The following ARHGAP32 variants were observed in gnomAD, a reference collection of about 807,000 sequenced individuals.
ARHGAP32 encodes the protein Rho GTPase activating protein 32.
A neutral mutation model predicts 186.5 loss-of-function variants in ARHGAP32; 51 were observed. The observed-to-expected ratio is 0.27, with a 90% confidence interval of 0.22 to 0.35. ARHGAP32 has a LOEUF of 0.35. Among genes scored for constraint, ARHGAP32 ranks in the 10% least tolerant of loss-of-function variants. The probability of loss-of-function intolerance (pLI) is 1.00; values close to 1 mark genes in which losing one functional copy is unlikely to be tolerated. For synonymous variants in ARHGAP32, 950 were observed against 964.3 expected, an observed-to-expected ratio of 0.99 and a Z score of 0.27; for missense variants, 2,186 against 2,623.5, an observed-to-expected ratio of 0.83 and a Z score of 3.64.
chr11:129,160,973 C>T (rs1436306569), intron 2 of ARHGAP32, among the ~76,000 whole-genome samples: 2 of 152,118 alleles, frequency 1.3e-5, no homozygotes, highest in African/African-American at 4.8e-5. Flanking sequence ...ACCAATGGTA[C>T]AGAACAGAAG....
intron 12 of ARHGAP32, among the ~76,000 whole-genome samples, chr11:128,997,264 G>C (rs1443246068): frequency 6.6e-6 from 1 of 151,896 alleles, no homozygotes; most frequent in Non-Finnish European, 1.5e-5. Flanking sequence ...CATTAAGTTG[G>C]TATTAATTTG....
intron 1 of ARHGAP32, among the ~76,000 whole-genome samples, chr11:129,202,412 A>T (rs1944465816): frequency 6.6e-6 from 1 of 152,156 alleles, no homozygotes; most frequent in Non-Finnish European, 1.5e-5. Flanking sequence ...TGAAAAATCT[A>T]GGTCCCAGGA....
At chr11:129,146,572 T>C (rs1943171072) in intron 2 of ARHGAP32, among the ~76,000 whole-genome samples, 4 of 152,142 alleles carry the variant, frequency 2.6e-5, no homozygotes, top group African/African-American at 9.6e-5. Context: ...ATATTTTACT[T>C]TTAGTAATTC....
At chr11:129,178,375 A>T (rs1286679480) in intron 1 of ARHGAP32, among the ~76,000 whole-genome samples, 1 of 151,316 alleles carries the variant, frequency 6.6e-6, no homozygotes, top group Non-Finnish European at 1.5e-5. Context: ...GCCCAAGGTA[A>T]TTTATAGATT....
upstream of ARHGAP32, among the ~76,000 whole-genome samples, chr11:129,193,549 AAT>A (rs751699323): frequency 0.12 from 6,191 of 49,752 alleles, 577 homozygotes; most frequent in Non-Finnish European, 0.15. Context: ...TATTATATAT[AAT>A]ATATATATAT....
chr11:129,035,672 C>T (rs1939300647), intron 11 of ARHGAP32, among the ~76,000 whole-genome samples: 1 of 151,806 alleles, frequency 6.6e-6, no homozygotes, highest in Non-Finnish European at 1.5e-5. Context: ...CATGAAACCT[C>T]ACCTCTACTA....
chr11:129,066,899 T>C, intron 6 of ARHGAP32, 31 bp from the exon 7 acceptor site: 1 of 1,541,298 alleles, frequency 6.5e-7, no homozygotes, highest in Non-Finnish European at 8.9e-7. Context: ...CTCATATAAT[T>C]CACCTCTATT....
intron 1 of ARHGAP32, among the ~76,000 whole-genome samples, chr11:129,278,959 C>G (rs976963997): frequency 2.9e-4 from 43 of 147,460 alleles, no homozygotes; most frequent in African/African-American, 1.0e-3. Context: ...CGCCGTCCGC[C>G]CCGGGAGGCC....
At chr11:129,167,928 C>T (rs964686661) in intron 1 of ARHGAP32, among the ~76,000 whole-genome samples, 1 of 152,130 alleles carries the variant, frequency 6.6e-6, no homozygotes, top group African/African-American at 2.4e-5. Context: ...TATTAAAATA[C>T]AAAGACTATA....
At chr11:129,227,043 C>G (rs760079808) in intron 1 of ARHGAP32, among the ~76,000 whole-genome samples, 12 of 151,740 alleles carry the variant, frequency 7.9e-5, no homozygotes, top group Non-Finnish European at 1.8e-4. Flanking sequence ...GACTGTTGCA[C>G]AGAGCAAATC....
intron 1 of ARHGAP32, among the ~76,000 whole-genome samples, chr11:129,249,117 A>G (rs940629761): frequency 1.3e-5 from 2 of 152,206 alleles, no homozygotes; most frequent in Non-Finnish European, 2.9e-5. Context: ...TCTTTCTAGA[A>G]TTCATTAAGA....
chr11:128,982,474 C>CCTGT (rs71472083), intron 15 of ARHGAP32, among the ~76,000 whole-genome samples: 29 of 147,362 alleles, frequency 2.0e-4, no homozygotes, highest in Non-Finnish European at 3.9e-4. Context: ...AGGTAAGTGC[C>CCTGT]GTGTGTGTGT....
chr11:129,102,455 C>G (rs1941928359), intron 5 of ARHGAP32, among the ~76,000 whole-genome samples: 1 of 152,122 alleles, frequency 6.6e-6, no homozygotes, highest in South Asian at 2.1e-4. Context: ...TTCAAGACAC[C>G]TATGTCACAT....
At chr11:129,014,534 C>G (rs1001935399) in intron 11 of ARHGAP32, among the ~76,000 whole-genome samples, 2 of 152,100 alleles carry the variant, frequency 1.3e-5, no homozygotes, top group East Asian at 1.9e-4. Context: ...AATGGTCTGT[C>G]CCAAGATAAT....
chr11:128,975,297 C>T (rs549269616), intron 20 of ARHGAP32, among the ~76,000 whole-genome samples: 6 of 152,276 alleles, frequency 3.9e-5, no homozygotes, highest in Admixed American at 1.3e-4. Context: ...TAATCCAACA[C>T]TGATTCTTGG....
intron 1 of ARHGAP32, among the ~76,000 whole-genome samples, chr11:129,270,274 C>G (rs1390603754): frequency 6.6e-6 from 1 of 152,174 alleles, no homozygotes; most frequent in East Asian, 1.9e-4. Context: ...GAAGAGGCTA[C>G]ATACTCTATG....
chr11:129,232,997 A>G (rs913184437), intron 1 of ARHGAP32, among the ~76,000 whole-genome samples: 1 of 152,152 alleles, frequency 6.6e-6, no homozygotes. Context: ...TTAAACATAT[A>G]TATTTGTCAA....
At chr11:129,231,560 G>A (rs1281855010) in intron 1 of ARHGAP32, among the ~76,000 whole-genome samples, 5 of 152,122 alleles carry the variant, frequency 3.3e-5, no homozygotes, top group South Asian at 2.1e-4. Flanking sequence ...CTAGCTCTCC[G>A]ACATCTTACA....
chr11:129,075,660 T>C (rs1941014856), intron 6 of ARHGAP32, among the ~76,000 whole-genome samples: 1 of 152,166 alleles, frequency 6.6e-6, no homozygotes, highest in Admixed American at 6.5e-5. Context: ...CTGGATATAA[T>C]TGATATTGAT....
Sources: gnomAD v4.1 joint callset for allele counts (sites outside exome capture counted in the v4.1 genomes callset) on GRCh38, gnomAD v4.1.1 for gene constraint, MANE v1.5 for transcripts, NCBI Gene and HGNC (gene_info 2026-07-23, HGNC 2026-07-21) for gene names.